Variants in JAK2 observed in about 807,000 individuals in gnomAD.
JAK2 encodes Janus kinase 2.
A neutral mutation model predicts 139.3 loss-of-function variants in JAK2; 86 were observed. That is an observed-to-expected ratio of 0.62 (90% CI 0.52 to 0.74). JAK2 has a LOEUF of 0.74. JAK2 is among the 30% of genes least tolerant of loss of function. JAK2 has a pLI of 0.00. For synonymous variants in JAK2, 490 were observed against 437.7 expected (o/e 1.12, Z -1.49); for missense variants, 1,421 against 1,360.3 (o/e 1.04, Z -0.70).
At chr9:5,006,436 T>A (rs1821305688) in intron 2 of JAK2, among the ~76,000 whole-genome samples, 1 of 152,172 alleles carries the variant, frequency 6.6e-6, no homozygotes, top group Non-Finnish European at 1.5e-5. Flanking sequence ...GTATATTCAA[T>A]TTTTAAATTA....
intron 19 of JAK2, among the ~76,000 whole-genome samples, chr9:5,083,193 T>A (rs1819833470): frequency 7.0e-6 from 1 of 143,616 alleles, no homozygotes; most frequent in Non-Finnish European, 1.5e-5. Context: ...TGCCTTTAGT[T>A]ATCTCAGGGA....
chr9:4,986,489 T>C (rs1456719529), intron 2 of JAK2, among the ~76,000 whole-genome samples: 4 of 152,158 alleles, frequency 2.6e-5, no homozygotes, highest in African/African-American at 9.7e-5. Context: ...CAGTAATTAC[T>C]AATCTGTTAG....
At chr9:5,043,047 CG>C (rs1266698008) in intron 4 of JAK2, among the ~76,000 whole-genome samples, 1 of 152,184 alleles carries the variant, frequency 6.6e-6, no homozygotes, top group East Asian at 1.9e-4. Context: ...TGGAGGCGCG[CG>C]GGCTCGTGGC....
chr9:5,081,258 T>A (rs907222258), intron 18 of JAK2, among the ~76,000 whole-genome samples: 8 of 93,242 alleles, frequency 8.6e-5, no homozygotes, highest in African/African-American at 6.0e-4. Context: ...TAAATTATAG[T>A]ATTTTTTTTT....
intron 22 of JAK2, chr9:5,110,897 G>A (rs990055026): frequency 4.0e-5 from 22 of 545,816 alleles, no homozygotes; most frequent in Non-Finnish European, 7.0e-5. Flanking sequence ...TGAGATGCCC[G>A]CTCTGGCCCC....
In JAK2 at chr9:5,078,731, T is replaced by C. The variant is rs574227197; in HGVS notation, c.2131+287T>C. Among the ~76,000 whole-genome samples the C allele has an allele frequency of 2.2e-4, 34 of 152,338 alleles. 1 individual carries two copies. The highest frequency in any genetic ancestry group is 3.4e-3 in the Middle Eastern group (1 of 294). On this transcript the variant is annotated intron_variant, in intron 16 of 24. Coordinates refer to ENST00000381652, the MANE Select transcript of JAK2 (RefSeq NM_004972.4). ...CCATTTTTAGTATGAAGTTTTGTAATATTCCTTGAGCCACAAGTAAATTTT... is the reference window on the plus strand; with the variant it reads ...CCATTTTTAGTATGAAGTTTTGTAACATTCCTTGAGCCACAAGTAAATTTT...
intron 2 of JAK2, among the ~76,000 whole-genome samples, chr9:5,007,875 G>A (rs1333839744): frequency 1.3e-5 from 2 of 151,904 alleles, no homozygotes; most frequent in South Asian, 4.2e-4. Context: ...TTACAGGCAC[G>A]TGCCACCACG....
intron 22 of JAK2, among the ~76,000 whole-genome samples, chr9:5,104,605 A>C (rs1821802206): frequency 6.6e-6 from 1 of 152,142 alleles, no homozygotes; most frequent in Non-Finnish European, 1.5e-5. Flanking sequence ...GAGACACCAC[A>C]AAAAAATAAT....
chr9:5,110,541 G>T (rs763921520), intron 22 of JAK2: 7 of 157,294 alleles, frequency 4.5e-5, no homozygotes, highest in Non-Finnish European at 8.4e-5. Context: ...TTGAAAAATA[G>T]GACTATTCAA....
chr9:5,082,707 T>G (rs1363866862), intron 19 of JAK2, among the ~76,000 whole-genome samples: 1 of 152,236 alleles, frequency 6.6e-6, no homozygotes, highest in Non-Finnish European at 1.5e-5. Flanking sequence ...CCTGCGGCTT[T>G]CCGCAGTGCA....
At chr9:5,070,712 T>C (rs769918072) in intron 12 of JAK2, among the ~76,000 whole-genome samples, 3 of 152,040 alleles carry the variant, frequency 2.0e-5, no homozygotes, top group Non-Finnish European at 4.4e-5. Flanking sequence ...GCCCACTGGA[T>C]TTATTGAAAA....
In JAK2 at chr9:5,048,877, T is replaced by C. The variant is rs1817215987; in HGVS notation, c.469-1809T>C. 2.0e-5 allele frequency among the ~76,000 whole-genome samples: 3 copies of C among 152,160 alleles called. 1 individual carries two copies. Among genetic ancestry groups the C allele is most frequent in the Admixed American group, 2.0e-4 (3 of 15,282 alleles). Reference sequence around the variant, plus strand: ...GTCCGGTTTAAAACCTTGATTCGCATTGTTATTTTAGGTAATATGGCTCTT... The same window carrying C: ...GTCCGGTTTAAAACCTTGATTCGCACTGTTATTTTAGGTAATATGGCTCTT... On this transcript the variant is annotated intron_variant, in intron 5 of 24. Transcript: ENST00000381652.
In JAK2 at chr9:5,011,644, T is replaced by A. The variant is rs542049677; in HGVS notation, c.-25-10319T>A. Among the ~76,000 whole-genome samples the A allele has an allele frequency of 3.9e-5, 6 of 152,304 alleles. No homozygotes were observed. In the South Asian group the frequency reaches 1.2e-3, roughly 32 times the overall value. On this transcript the variant is annotated intron_variant, in intron 2 of 24. Coordinates refer to ENST00000381652, the MANE Select transcript of JAK2 (RefSeq NM_004972.4). ...GGGTCTGCTTTGGGTCCATTTCTAT[T>A]ATATATATTCTTCTTTTCATGTTTA... is the stretch of plus-strand genomic sequence containing the variant.
At position 5,017,510 on chromosome 9, in the gene JAK2, TTTCC is replaced by T. The variant is rs543686868; in HGVS notation, c.-25-4445_-25-4442del. Among the ~76,000 whole-genome samples, 21 of 152,352 alleles carry T rather than the reference TTTCC, an allele frequency of 1.4e-4. No homozygotes were observed. In the South Asian group the frequency reaches 4.3e-3, roughly 32 times the overall value. On this transcript the variant is annotated intron_variant, in intron 2 of 24. Transcript: ENST00000381652. ...TTTATTTCTGCTGTGAACTTCATTT[TTTCC>T]TTCCTTCTGTTAGCTTTGGGCTTTG...
intron 10 of JAK2, among the ~76,000 whole-genome samples, chr9:5,068,790 T>G: frequency 6.6e-6 from 1 of 152,228 alleles, no homozygotes; most frequent in East Asian, 1.9e-4. Context: ...TATCATTGCC[T>G]TCTTACATGC....
intron 18 of JAK2, among the ~76,000 whole-genome samples, chr9:5,081,462 A>G (rs1483206138): frequency 2.0e-5 from 3 of 152,162 alleles, no homozygotes; most frequent in Non-Finnish European, 4.4e-5. Flanking sequence ...AATAAGTATC[A>G]GTATATTACC....
intron 2 of JAK2, among the ~76,000 whole-genome samples, chr9:5,021,735 TC>T (rs1822442231): frequency 6.6e-6 from 1 of 152,172 alleles, no homozygotes; most frequent in African/African-American, 2.4e-5. Flanking sequence ...AAGCAATTCT[TC>T]CGCTCCACTC....
intron 22 of JAK2, among the ~76,000 whole-genome samples, chr9:5,119,650 T>C (rs1823465994): frequency 6.6e-6 from 1 of 152,166 alleles, no homozygotes; most frequent in Admixed American, 6.5e-5. Flanking sequence ...GTAAGGTATA[T>C]GGTACATGGC....
At position 5,126,369 on chromosome 9, in the gene JAK2, C is replaced by A; in HGVS notation, c.3214C>A (p.Gln1072Lys). The A allele has an allele frequency of 6.2e-7, 1 of 1,610,344 alleles. No individual in the cohort carries two copies. Among genetic ancestry groups the A allele is most frequent in the Non-Finnish European group, 8.5e-7 (1 of 1,177,710 alleles). Residue 1072 changes from glutamine (Q) to lysine (K), a missense_variant, in exon 24 of 25, where the codon CAG becomes AAG. By Grantham distance (53) the Gln-to-Lys change is moderately conservative. Coordinates refer to ENST00000381652, the MANE Select transcript of JAK2 (RefSeq NM_004972.4). ...TATGATTGGCAATGACAAACAAGGACAGATGATCGTGTTCCATTTGATAGA... is the reference window on the plus strand; with the variant it reads ...TATGATTGGCAATGACAAACAAGGAAAGATGATCGTGTTCCATTTGATAGA... Reference protein sequence around the residue: ...MRMIGNDKQGQMIVFHLIELL... With the variant: ...MRMIGNDKQGKMIVFHLIELL...
Sources: gnomAD v4.1 joint callset for allele counts (sites outside exome capture counted in the v4.1 genomes callset) on GRCh38, gnomAD v4.1.1 for gene constraint, MANE v1.5 for transcripts, NCBI Gene and HGNC (gene_info 2026-07-23, HGNC 2026-07-21) for gene names.